RANBP10: variants seen among roughly 807,000 people sequenced by gnomAD.
RANBP10 encodes ran-binding protein 10.
RANBP10 carries 24 observed loss-of-function variants against 72.8 expected under a neutral mutation model. The ratio of observed to expected loss-of-function variants is 0.33; its 90% confidence interval spans 0.24 to 0.46. The LOEUF is 0.46. Ranked by LOEUF, RANBP10 falls within the 20% of genes least tolerant of loss-of-function variation. The pLI, the probability that RANBP10 is intolerant of heterozygous loss-of-function variation, is 1.00. For synonymous variants in RANBP10, 310 were observed against 322.3 expected (o/e 0.96, Z 0.41); for missense variants, 679 against 817.5 (o/e 0.83, Z 2.07).
chr16:67,730,689 G>A lies in RANBP10; in HGVS notation c.890-643C>T, dbSNP rs868582562. Among the ~76,000 whole-genome samples, 4 of 152,172 alleles carry A rather than the reference G, an allele frequency of 2.6e-5. No homozygotes were observed. Among genetic ancestry groups the A allele is most frequent in the Non-Finnish European group, 4.4e-5 (3 of 68,030 alleles). ...TCAGAGTCTGAGGCTCTCATTCATAGATCCCAAGTCTGGGATCCCTTTCCG... is the reference window on the plus strand; with the variant it reads ...TCAGAGTCTGAGGCTCTCATTCATAAATCCCAAGTCTGGGATCCCTTTCCG... On this transcript the variant is annotated intron_variant, in intron 7 of 13. Transcript: ENST00000317506. This position sits in a 1 kb window ranked among gnomAD's most constrained non-coding sequence, Gnocchi z 4.3.
chr16:67,734,782 G>A, intron 6 of RANBP10, 76 bp downstream of exon 6: 1 of 1,369,996 alleles, frequency 7.3e-7, no homozygotes, highest in East Asian at 2.6e-5. Flanking sequence ...AGAACAGCTT[G>A]TAGCCCTACA....
intron 2 of RANBP10, among the ~76,000 whole-genome samples, chr16:67,802,123 A>G (rs969789417): frequency 2.6e-5 from 4 of 151,720 alleles, no homozygotes; most frequent in East Asian, 3.9e-4. Flanking sequence ...CTACAAAAAA[A>G]GGGAAATGAG....
chr16:67,777,287 A>G (rs942157939), intron 2 of RANBP10, among the ~76,000 whole-genome samples: 40 of 152,204 alleles, frequency 2.6e-4, no homozygotes, highest in Admixed American at 2.4e-3. Flanking sequence ...CTATAATCCC[A>G]GCACTTTGGG....
intron 2 of RANBP10, among the ~76,000 whole-genome samples, chr16:67,793,731 T>A (rs187052256): frequency 6.6e-6 from 1 of 152,306 alleles, no homozygotes; most frequent in Non-Finnish European, 1.5e-5. Context: ...AAAGTCCATA[T>A]ATTAAACCCC....
At chr16:67,791,650 A>T (rs1293619950) in intron 2 of RANBP10, among the ~76,000 whole-genome samples, 8 of 152,152 alleles carry the variant, frequency 5.3e-5, no homozygotes, top group Admixed American at 1.3e-4. Context: ...GGACAGTTTC[A>T]TCTTGACATC....
intron 1 of RANBP10, among the ~76,000 whole-genome samples, chr16:67,805,847 C>T (rs1027844356): frequency 6.6e-6 from 1 of 152,172 alleles, no homozygotes; most frequent in African/African-American, 2.4e-5. Context: ...CCTGGGAGGC[C>T]AGGGGAAGAA....
intron 6 of RANBP10, among the ~76,000 whole-genome samples, chr16:67,733,817 C>A (rs1243187463): frequency 6.6e-6 from 1 of 152,124 alleles, no homozygotes; most frequent in Non-Finnish European, 1.5e-5. Flanking sequence ...TTTTTAAAAA[C>A]CCCAAAACAA....
chr16:67,761,353 C>T (rs1430640897), intron 3 of RANBP10, among the ~76,000 whole-genome samples: 1 of 152,170 alleles, frequency 6.6e-6, no homozygotes, highest in Non-Finnish European at 1.5e-5. Flanking sequence ...AACAGCTCTA[C>T]TGGCAAAGAT....
intron 3 of RANBP10, among the ~76,000 whole-genome samples, chr16:67,754,450 C>T (rs1175404198): frequency 6.6e-6 from 1 of 152,180 alleles, no homozygotes; most frequent in Admixed American, 6.5e-5. Context: ...CTAAGGGCTA[C>T]AAAGGACAGG....
chr16:67,736,368 T>C (rs1043595585), intron 5 of RANBP10, among the ~76,000 whole-genome samples: 12 of 152,028 alleles, frequency 7.9e-5, no homozygotes, highest in African/African-American at 2.9e-4. Context: ...TCCATGTTGG[T>C]CAGGCTGGTC....
chr16:67,726,588 G>T, intron 13 of RANBP10, 30 bp from the exon 14 acceptor site: 2 of 1,538,128 alleles, frequency 1.3e-6, no homozygotes, highest in South Asian at 1.2e-5. Context: ...CCTGGTCACT[G>T]GCCTGCCCAG....
At position 67,806,299 on chromosome 16, in the gene RANBP10, T is replaced by A; in HGVS notation, c.235+3A>T. 6.2e-7 allele frequency: 1 copy of A among 1,608,736 alleles called. No individual in the cohort carries two copies. The highest frequency in any genetic ancestry group is 1.1e-5 in the South Asian group (1 of 90,326). ...AATTCCCCCCAGCCTGACGGGCCGA[T>A]ACCTTTGTAGTGGACGCGGAGGTTG... On this transcript the variant is annotated splice_donor_region_variant and intron_variant, in intron 1 of 13. Transcript: ENST00000317506.
intron 6 of RANBP10, among the ~76,000 whole-genome samples, chr16:67,733,124 G>C (rs910932090): frequency 1.3e-5 from 2 of 151,792 alleles, no homozygotes; most frequent in African/African-American, 4.8e-5. Context: ...CAACACTTTG[G>C]GAGGCCGAGG....
intron 5 of RANBP10, among the ~76,000 whole-genome samples, chr16:67,736,336 T>A (rs1048699090): frequency 6.6e-6 from 1 of 152,138 alleles, no homozygotes; most frequent in Non-Finnish European, 1.5e-5. Context: ...TAATTTTGTA[T>A]TTTTAGCAGA....
At chr16:67,770,860 CCCAGAAGGTTGAGCCAA>C (rs1463088349) in intron 3 of RANBP10, among the ~76,000 whole-genome samples, 4 of 152,124 alleles carry the variant, frequency 2.6e-5, no homozygotes, top group Non-Finnish European at 4.4e-5. Flanking sequence ...AGAACTTGAG[CCCAGAAGGTTGAGCCAA>C]CCAGAAGGTT....
At chr16:67,744,653 C>T (rs2054034464) in intron 3 of RANBP10, among the ~76,000 whole-genome samples, 198 bp from the exon 4 acceptor site, 1 of 152,124 alleles carries the variant, frequency 6.6e-6, no homozygotes, top group Admixed American at 6.6e-5. Flanking sequence ...GCTGATGTAG[C>T]CCCACAGAGG....
chr16:67,744,340 A>G lies in RANBP10; in HGVS notation c.516T>C (p.Cys172=). 1 of 1,614,220 alleles carries G rather than the reference A, an allele frequency of 6.2e-7. No homozygotes were observed. The highest frequency in any genetic ancestry group is 1.1e-5 in the South Asian group (1 of 91,090). ...AGCAGGTGCCATTGATGAGGTTGAC[A>G]CAGCAGCCGATCACGTCTCCTGTGG... is the stretch of plus-strand genomic sequence containing the variant. ...TFTTGDVIGC[C]VNLINGTCFY... is the part of the protein sequence containing the mutation. The change falls in exon 4 of 14, where the codon TGT becomes TGC. Residue 172 remains cysteine, a synonymous_variant. Coordinates refer to ENST00000317506, the MANE Select transcript of RANBP10 (RefSeq NM_020850.3).
At chr16:67,731,967 G>C (rs538831345) in intron 6 of RANBP10, among the ~76,000 whole-genome samples, 5 of 152,334 alleles carry the variant, frequency 3.3e-5, no homozygotes, top group Admixed American at 2.0e-4. Context: ...CTCACTGATA[G>C]CTTCCCGAAA....
chr16:67,778,104 C>T (rs2054741696), intron 2 of RANBP10, among the ~76,000 whole-genome samples: 1 of 152,216 alleles, frequency 6.6e-6, no homozygotes, highest in East Asian at 1.9e-4. Context: ...AATCCCAGCA[C>T]TTCAGGAGGC....
Sources: allele counts gnomAD v4.1 joint callset (sites outside exome capture counted in the v4.1 genomes callset), GRCh38; gene constraint gnomAD v4.1.1; non-coding constraint Gnocchi (gnomAD v3.1); transcripts MANE v1.5; gene names NCBI Gene and HGNC (gene_info 2026-07-23, HGNC 2026-07-21).